The following FHIT variants were observed in gnomAD, a reference collection of about 807,000 sequenced individuals.
FHIT encodes the protein bis(5'-adenosyl)-triphosphatase.
A neutral mutation model predicts 17.9 loss-of-function variants in FHIT; 19 were observed. That is an observed-to-expected ratio of 1.06 (90% CI 0.74 to 1.56). The LOEUF (loss-of-function observed/expected upper bound fraction) is 1.56, where lower values mean the gene tolerates loss of function less well. FHIT is among the 40% of genes most tolerant of loss of function. FHIT has a pLI of 0.00. For synonymous variants in FHIT, 81 were observed against 69.7 expected (o/e 1.16, Z -0.81); for missense variants, 248 against 189.2 (o/e 1.31, Z -1.82).
At chr3:60,671,727 G>A (rs1415007100) in intron 4 of FHIT, among the ~76,000 whole-genome samples, 15 of 150,928 alleles carry the variant, frequency 9.9e-5, no homozygotes, top group Non-Finnish European at 2.1e-4. Flanking sequence ...ATCACCTGAG[G>A]TCAGGAGTTC....
At chr3:60,891,734 G>A (rs1705525194) in intron 3 of FHIT, among the ~76,000 whole-genome samples, 1 of 152,154 alleles carries the variant, frequency 6.6e-6, no homozygotes, top group African/African-American at 2.4e-5. Flanking sequence ...ATGATGGAAT[G>A]CCATTTATTT....
chr3:60,137,713 T>C (rs992776601), intron 5 of FHIT, among the ~76,000 whole-genome samples: 1 of 151,096 alleles, frequency 6.6e-6, no homozygotes, highest in Admixed American at 6.6e-5. Context: ...AAGGCTAGAG[T>C]CACACAGTCA....
intron 2 of FHIT, among the ~76,000 whole-genome samples, chr3:61,174,628 C>T (rs2038103052): frequency 6.6e-6 from 1 of 152,198 alleles, no homozygotes; most frequent in African/African-American, 2.4e-5. Context: ...GTATTTTTCA[C>T]ATGCTATAGC....
chr3:59,931,942 T>A (rs1351576100), intron 7 of FHIT, among the ~76,000 whole-genome samples: 3 of 150,202 alleles, frequency 2.0e-5, no homozygotes, highest in Non-Finnish European at 4.4e-5. Context: ...AGCTTTAAAT[T>A]TCAAATTTTC....
In FHIT at chr3:60,521,527, A is replaced by T. The variant is rs144992478; in HGVS notation, c.103+15333T>A. ...CTCCCAAAGTGCTGGGATTACAGGC[A>T]TGAGCCACTGTGCCCGGCCAAAAGT... On this transcript the variant is annotated intron_variant, in intron 5 of 9. Transcript: ENST00000492590. Among the ~76,000 whole-genome samples the T allele has an allele frequency of 9.5e-4, 145 of 152,274 alleles. 3 individuals are homozygous for T. Among genetic ancestry groups the T allele is most frequent in the Non-Finnish European group, 7.6e-4 (52 of 68,030 alleles).
intron 3 of FHIT, among the ~76,000 whole-genome samples, chr3:60,965,076 C>G (rs926575903): frequency 2.6e-5 from 4 of 152,166 alleles, no homozygotes; most frequent in African/African-American, 4.8e-5. Context: ...ACCAAGCAGA[C>G]GTAGATTTGG....
chr3:60,907,035 C>T (rs368111685), intron 3 of FHIT, among the ~76,000 whole-genome samples: 10 of 152,114 alleles, frequency 6.6e-5, no homozygotes, highest in East Asian at 3.9e-4. Context: ...CACAAATCAT[C>T]GATGGACAAT....
At chr3:60,875,918 TATTC>T (rs1704629843) in intron 3 of FHIT, among the ~76,000 whole-genome samples, 1 of 131,892 alleles carries the variant, frequency 7.6e-6, no homozygotes, top group South Asian at 2.8e-4. Flanking sequence ...AAGGAAAACT[TATTC>T]ATGTGTGTGT....
intron 5 of FHIT, among the ~76,000 whole-genome samples, chr3:60,183,820 G>A (rs747318869): frequency 3.9e-5 from 6 of 151,942 alleles, no homozygotes; most frequent in Non-Finnish European, 8.8e-5. Context: ...CAGCGTTAAC[G>A]TTTTTACTTT....
At chr3:60,548,228 C>A (rs968947425) in intron 4 of FHIT, among the ~76,000 whole-genome samples, 2 of 151,924 alleles carry the variant, frequency 1.3e-5, no homozygotes. Flanking sequence ...GACTTCAGGG[C>A]CCTGATTTGG....
Position 59,868,047 on chromosome 3 carries a change from T to TAA in FHIT, c.348+54297_348+54298dup, listed in dbSNP as rs1553701048. ...TGCTGTGGAAATGTTTTTTTTTTTT[T>TAA]AAAAAAAAAAAAAAAAAAACCTTTC... is the stretch of plus-strand genomic sequence containing the variant. On this transcript the variant is annotated intron_variant, in intron 8 of 9. Transcript: ENST00000492590. 2.2e-3 allele frequency among the ~76,000 whole-genome samples: 248 copies of TAA among 111,326 alleles called. 2 individuals carry two copies. Among genetic ancestry groups the TAA allele is most frequent in the African/African-American group, 5.9e-3 (176 of 29,846 alleles). 73.0% of individuals were successfully genotyped at this position (111,326 alleles called of 152,430 possible).
At chr3:60,297,859 C>T (rs1182182561) in intron 5 of FHIT, among the ~76,000 whole-genome samples, 1 of 152,024 alleles carries the variant, frequency 6.6e-6, no homozygotes. Flanking sequence ...GGGTTCAGTC[C>T]CACAAGACAG....
At chr3:60,551,667 C>T (rs963601295) in intron 4 of FHIT, among the ~76,000 whole-genome samples, 5 of 143,946 alleles carry the variant, frequency 3.5e-5, no homozygotes, top group East Asian at 4.3e-4. Flanking sequence ...GACCATGGCA[C>T]GAAATGCCTG....
At chr3:60,986,813 C>T (rs571362279) in intron 3 of FHIT, among the ~76,000 whole-genome samples, 80 of 152,148 alleles carry the variant, frequency 5.3e-4, no homozygotes, top group Non-Finnish European at 9.1e-4. Flanking sequence ...TGCTTGGCAA[C>T]GTTCTGAGTT....
At chr3:60,956,294 A>AT (rs1553778860) in intron 3 of FHIT, among the ~76,000 whole-genome samples, 1 of 152,164 alleles carries the variant, frequency 6.6e-6, no homozygotes, top group Non-Finnish European at 1.5e-5. Flanking sequence ...TGGATGAGGA[A>AT]TTAGAGGTAT....
intron 4 of FHIT, among the ~76,000 whole-genome samples, chr3:60,605,214 C>T (rs1437407112): frequency 6.6e-6 from 1 of 152,050 alleles, no homozygotes; most frequent in African/African-American, 2.4e-5. Flanking sequence ...TGGTTTGGTT[C>T]AGTTCTAGGG....
intron 4 of FHIT, among the ~76,000 whole-genome samples, chr3:60,548,169 C>G (rs1424402861): frequency 6.7e-6 from 1 of 150,016 alleles, no homozygotes; most frequent in Non-Finnish European, 1.5e-5. Flanking sequence ...GAGAGAGACA[C>G]TCTTCATAGA....
intron 4 of FHIT, among the ~76,000 whole-genome samples, chr3:60,573,044 A>T (rs1269151976): frequency 1.3e-5 from 2 of 152,178 alleles, no homozygotes; most frequent in African/African-American, 2.4e-5. Context: ...AAAGCTACTA[A>T]GTGGCAGGCT....
At chr3:60,745,092 G>A (rs112023290) in intron 4 of FHIT, among the ~76,000 whole-genome samples, 1,673 of 152,138 alleles carry the variant, frequency 0.011, 33 homozygotes, top group African/African-American at 0.038. Context: ...CCACAAAAAG[G>A]GGGAAAAAAG....
Sources: gnomAD v4.1 joint callset for allele counts (sites outside exome capture counted in the v4.1 genomes callset) on GRCh38, gnomAD v4.1.1 for gene constraint, MANE v1.5 for transcripts, NCBI Gene and HGNC (gene_info 2026-07-23, HGNC 2026-07-21) for gene names.